GHR: variants seen among roughly 807,000 people sequenced by gnomAD.
GHR encodes the protein GH receptor.
GHR carries 35 observed loss-of-function variants against 67.1 expected under a neutral mutation model. That is an observed-to-expected ratio of 0.52 (90% confidence interval 0.40 to 0.69). The LOEUF (loss-of-function observed/expected upper bound fraction) is 0.69, where lower values mean the gene tolerates loss of function less well. Ranked by LOEUF, GHR falls within the 30% of genes least tolerant of loss-of-function variation. The pLI is 0.00. For missense variants in GHR, 792 were observed against 764.6 expected (o/e 1.04, Z -0.42); for synonymous variants, 272 against 269.1 (o/e 1.01, Z -0.10).
Position 42,650,601 on chromosome 5 carries a change from ATG to A in GHR, c.136+21500_136+21501del, listed in dbSNP as rs1491060580. Among the ~76,000 whole-genome samples the A allele has an allele frequency of 1.7e-3, 241 of 145,022 alleles. 4 individuals carry two copies. Among genetic ancestry groups the A allele is most frequent in the African/African-American group, 5.8e-3 (223 of 38,726 alleles). On this transcript the variant is annotated intron_variant, in intron 3 of 9. Coordinates refer to ENST00000230882, the MANE Select transcript of GHR (RefSeq NM_000163.5). The stretch of plus-strand genomic sequence containing the variant: ...AACATATATATATATATATATATAT[ATG>A]TATGTCTATGACTGCTGGCATAATG...
chr5:42,515,031 T>TATATA (rs1358561648), intron 1 of GHR: 1 of 152,118 alleles, frequency 6.6e-6, no homozygotes, highest in African/African-American at 2.4e-5. Flanking sequence ...GCTACAAGAC[T>TATATA]ATAAAGCATG....
intron 1 of GHR, among the ~76,000 whole-genome samples, chr5:42,540,641 C>T (rs1190077931): frequency 6.6e-6 from 1 of 152,134 alleles, no homozygotes; most frequent in African/African-American, 2.4e-5. Context: ...TATGCCCTCC[C>T]AAGTCCTCCC....
chr5:42,596,792 G>A (rs1311659401), intron 2 of GHR, among the ~76,000 whole-genome samples: 2 of 152,142 alleles, frequency 1.3e-5, no homozygotes, highest in Non-Finnish European at 2.9e-5. Flanking sequence ...CAGGAAGCCA[G>A]TTTACTTTTC....
chr5:42,648,030 A>G (rs1272678241), intron 3 of GHR, among the ~76,000 whole-genome samples: 1 of 152,170 alleles, frequency 6.6e-6, no homozygotes, highest in Non-Finnish European at 1.5e-5. Context: ...TTTTTAAAAA[A>G]TTTTTAAAGA....
intron 2 of GHR, among the ~76,000 whole-genome samples, chr5:42,625,492 A>G (rs1424875728): frequency 3.3e-5 from 5 of 152,154 alleles, no homozygotes; most frequent in Non-Finnish European, 5.9e-5. Flanking sequence ...GTGAGTGAAC[A>G]TGGCCTGTGA....
intron 1 of GHR, chr5:42,514,433 C>G: frequency 2.2e-6 from 1 of 460,956 alleles, no homozygotes; most frequent in Non-Finnish European, 2.9e-6. Context: ...TATTCAAACT[C>G]CCAGCTATCT....
chr5:42,554,609 C>T (rs1021922867), intron 1 of GHR, among the ~76,000 whole-genome samples: 7 of 152,084 alleles, frequency 4.6e-5, no homozygotes, highest in African/African-American at 1.7e-4. Context: ...ACTTCTACTA[C>T]CTCTCTGTGT....
intron 3 of GHR, among the ~76,000 whole-genome samples, chr5:42,635,063 G>A (rs906494510): frequency 6.6e-6 from 1 of 151,768 alleles, no homozygotes; most frequent in African/African-American, 2.4e-5. Context: ...TTGATACTGG[G>A]TTCTGACATG....
intron 1 of GHR, chr5:42,466,906 C>G: frequency 6.6e-7 from 1 of 1,507,142 alleles, no homozygotes; most frequent in South Asian, 1.4e-5. Flanking sequence ...AAGATGGGTT[C>G]TGTGGTGTCG....
At chr5:42,549,452 T>C (rs541989251) in intron 1 of GHR, 3 of 152,534 alleles carry the variant, frequency 2.0e-5, no homozygotes, top group African/African-American at 7.2e-5. Context: ...TAAGGGTTTA[T>C]TAAGGCTGTG....
chr5:42,578,830 C>T (rs1287590240), intron 2 of GHR, among the ~76,000 whole-genome samples: 1 of 151,992 alleles, frequency 6.6e-6, no homozygotes, highest in Non-Finnish European at 1.5e-5. Flanking sequence ...CATACCTGCT[C>T]CAATGATAGC....
chr5:42,707,893 T>C (rs1758258596), intron 6 of GHR, among the ~76,000 whole-genome samples: 1 of 152,164 alleles, frequency 6.6e-6, no homozygotes, highest in South Asian at 2.1e-4. Flanking sequence ...AATAATTTTG[T>C]CTTTTAACCT....
At position 42,618,339 on chromosome 5, in the gene GHR, A is replaced by G. The variant is rs372969383; in HGVS notation, c.71-10699A>G. Reference sequence around the variant, plus strand: ...CAAGTATGTGAGGGGAGCTGCATCAAAGTTTTCATTTTTACTACATACAAA... The same window carrying G: ...CAAGTATGTGAGGGGAGCTGCATCAGAGTTTTCATTTTTACTACATACAAA... On this transcript the variant is annotated intron_variant, in intron 2 of 9. Coordinates refer to ENST00000230882, the MANE Select transcript of GHR (RefSeq NM_000163.5). 2.0e-5 allele frequency among the ~76,000 whole-genome samples: 3 copies of G among 152,278 alleles called. No homozygotes were observed. The South Asian group carries it at 6.2e-4, about 32-fold the overall frequency.
At chr5:42,593,424 A>G (rs892215084) in intron 2 of GHR, among the ~76,000 whole-genome samples, 4 of 152,218 alleles carry the variant, frequency 2.6e-5, no homozygotes, top group Admixed American at 2.6e-4. Flanking sequence ...TTTTTGTACA[A>G]ATAAACACAT....
chr5:42,513,063 T>C (rs1054604666), intron 1 of GHR, among the ~76,000 whole-genome samples: 1 of 152,200 alleles, frequency 6.6e-6, no homozygotes, highest in African/African-American at 2.4e-5. Context: ...TCCCCTCTGA[T>C]CTGAGTCCCA....
At position 42,719,709 on chromosome 5, in the gene GHR, A is replaced by G; in HGVS notation, c.*285A>G. ...AATATTGTGGGTGTTAATTTTTGAT[A>G]CTAAGCATTGAATGGCTATGTTTTT... On this transcript the variant is annotated 3_prime_UTR_variant, in exon 10 of 10. Coordinates refer to ENST00000230882, the MANE Select transcript of GHR (RefSeq NM_000163.5). 1 of 425,950 alleles carries G rather than the reference A, an allele frequency of 2.3e-6. No individual in the cohort carries two copies. Among genetic ancestry groups the G allele is most frequent in the Non-Finnish European group, 4.4e-6 (1 of 227,488 alleles). 26.4% of individuals were successfully genotyped at this position (425,950 alleles called of 1,614,324 possible).
chr5:42,441,570 C>T (rs1205922745), intron 1 of GHR, among the ~76,000 whole-genome samples: 2 of 151,666 alleles, frequency 1.3e-5, no homozygotes. Context: ...AGTGCAGTGG[C>T]ACGATCTTGG....
At chr5:42,541,187 A>G (rs1453172654) in intron 1 of GHR, among the ~76,000 whole-genome samples, 1 of 152,202 alleles carries the variant, frequency 6.6e-6, no homozygotes, top group African/African-American at 2.4e-5. Context: ...CAATCTAGTT[A>G]GAGAACAGAG....
At chr5:42,537,501 T>C (rs1748310259) in intron 1 of GHR, among the ~76,000 whole-genome samples, 1 of 152,186 alleles carries the variant, frequency 6.6e-6, no homozygotes, top group Admixed American at 6.5e-5. Flanking sequence ...TCCAGGTTTA[T>C]TCAATGTGGT....
Sources: allele counts gnomAD v4.1 joint callset (sites outside exome capture counted in the v4.1 genomes callset), GRCh38; gene constraint gnomAD v4.1.1; transcripts MANE v1.5; gene names NCBI Gene and HGNC (gene_info 2026-07-23, HGNC 2026-07-21).